PDE8A: variants seen among roughly 807,000 people sequenced by gnomAD.
The protein encoded by PDE8A is phosphodiesterase 8A.
PDE8A carries 59 observed loss-of-function variants against 105.0 expected under a neutral mutation model. The observed-to-expected ratio is 0.56, with a 90% CI of 0.46 to 0.70. The LOEUF (loss-of-function observed/expected upper bound fraction) is 0.70, where lower values mean the gene tolerates loss of function less well. PDE8A is among the 30% of genes least tolerant of loss of function. The pLI, the probability that PDE8A is intolerant of heterozygous loss-of-function variation, is 0.00. For synonymous variants in PDE8A, 355 were observed against 371.9 expected, an observed-to-expected ratio of 0.95 and a Z score of 0.52; for missense variants, 1,014 against 1,045.9, an observed-to-expected ratio of 0.97 and a Z score of 0.42.
chr15:85,015,354 G>A (rs1397254036), intron 1 of PDE8A, among the ~76,000 whole-genome samples: 2 of 151,934 alleles, frequency 1.3e-5, no homozygotes, highest in African/African-American at 2.4e-5. Context: ...AGCCTCCTGA[G>A]TAGCTGGGAC....
chr15:85,081,405 G>A (rs2081464372), intron 5 of PDE8A, among the ~76,000 whole-genome samples: 1 of 152,136 alleles, frequency 6.6e-6, no homozygotes, highest in Admixed American at 6.5e-5. Flanking sequence ...TTTTCAAATT[G>A]CAGATAATTC....
intron 8 of PDE8A, among the ~76,000 whole-genome samples, chr15:85,091,901 C>CTTTTTTTTTTTTTTTTTTTTTTTTT (rs563631633): frequency 1.1e-5 from 1 of 88,390 alleles, no homozygotes; most frequent in Non-Finnish European, 2.1e-5. Context: ...TTCTGCTGGA[C>CTTTTTTTTTTTTTTTTTTTTTTTTT]TTTTTTTTTT....
Position 85,117,540 on chromosome 15 carries a change from C to T in PDE8A, c.1536-101C>T, listed in dbSNP as rs574543018. 1.0e-5 allele frequency: 10 copies of T among 966,950 alleles called. No homozygotes were observed. In the South Asian group the frequency reaches 1.2e-4, roughly 12 times the overall value. The allele number at this position is 966,950 out of a possible 1,614,324, so 59.9% of individuals were successfully genotyped here. ...GCCCAAGCAATCTCCACTTTGCTGC[C>T]CTGCACTCTCTGAAATTTGGCTTGG... is the stretch of plus-strand genomic sequence containing the variant. On this transcript the variant is annotated intron_variant, in intron 16 of 21. Coordinates refer to ENST00000394553, the MANE Select transcript of PDE8A (RefSeq NM_002605.3).
intron 1 of PDE8A, among the ~76,000 whole-genome samples, chr15:85,053,811 C>A (rs2081014779): frequency 6.6e-6 from 1 of 152,206 alleles, no homozygotes; most frequent in Non-Finnish European, 1.5e-5. Context: ...CCCTCTATTT[C>A]TTTCTCTTGC....
intron 1 of PDE8A, among the ~76,000 whole-genome samples, chr15:84,985,924 T>C (rs2079794746): frequency 6.6e-6 from 1 of 152,154 alleles, no homozygotes. Flanking sequence ...TAGATTTCCC[T>C]GTAAAGAAAG....
At chr15:85,065,851 G>A (rs1037313892) in intron 2 of PDE8A, among the ~76,000 whole-genome samples, 7 of 152,224 alleles carry the variant, frequency 4.6e-5, no homozygotes, top group African/African-American at 1.7e-4. Flanking sequence ...AAGACGCTAT[G>A]GATACAGGCC....
At chr15:85,102,403 C>T (rs80185445) in intron 11 of PDE8A, among the ~76,000 whole-genome samples, 4 of 152,056 alleles carry the variant, frequency 2.6e-5, no homozygotes, top group African/African-American at 4.8e-5. Flanking sequence ...AGGAGAATGG[C>T]GAGGGCAGAA....
rs774180777 is a variant in PDE8A, at chr15:85,117,622, G to C, written c.1536-19G>C. The C allele has an allele frequency of 2.5e-6, 4 of 1,605,132 alleles. No homozygotes were observed. The highest frequency in any genetic ancestry group is 2.2e-5 in the East Asian group (1 of 44,836). On this transcript the variant is annotated intron_variant, in intron 16 of 21. Transcript: ENST00000394553. ...TTGTTTGCTTTGTTCTAATATTGTG[G>C]GGTTTTTTCTGTCTATAGGCCTTTG...
rs1362226248 is a variant in PDE8A at position 85,115,448 on chromosome 15, C to T, written c.1360C>T (p.Arg454Ter). Residue 454 changes from arginine (R) to a stop codon, truncating the protein, a stop_gained, in exon 15 of 22, where the codon CGA becomes TGA. Transcript: ENST00000394553. LOFTEE classifies it high-confidence loss of function. ...LVGGLMSDGLRRLSGNEYVLS... is the reference protein window; with the variant it reads ...LVGGLMSDGL ...CCTTGATTTTTATCAGGATGGTTTG[C>T]GAAGACTATCAGGGAATGAATATGT... The T allele has an allele frequency of 2.0e-6, 3 of 1,537,350 alleles. No homozygotes were observed. The highest frequency in any genetic ancestry group is 1.4e-5 in the African/African-American group (1 of 70,642).
intron 1 of PDE8A, among the ~76,000 whole-genome samples, chr15:85,006,092 G>T (rs953808338): frequency 6.6e-6 from 1 of 152,082 alleles, no homozygotes; most frequent in Non-Finnish European, 1.5e-5. Flanking sequence ...CTCTCAGGAA[G>T]GGGAACATCA....
intron 3 of PDE8A, 56 bp downstream of exon 3, chr15:85,067,260 A>T: frequency 3.2e-6 from 4 of 1,267,538 alleles, no homozygotes; most frequent in East Asian, 2.4e-5. Context: ...CAATACATGC[A>T]GCCTAGAAAT....
intron 3 of PDE8A, among the ~76,000 whole-genome samples, chr15:85,074,284 T>A (rs2081352315): frequency 6.6e-6 from 1 of 152,202 alleles, no homozygotes; most frequent in South Asian, 2.1e-4. Flanking sequence ...CATTTGTGTA[T>A]TATGTGTGAC....
intron 7 of PDE8A, among the ~76,000 whole-genome samples, chr15:85,089,774 A>G (rs2081611904): frequency 6.6e-6 from 1 of 152,212 alleles, no homozygotes; most frequent in South Asian, 2.1e-4. Flanking sequence ...TAGGTCTGCA[A>G]GTACAAGTCT....
rs546194907 is a variant in PDE8A at position 85,119,468 on chromosome 15, C to CAAAAAAAA, written c.1735-1323_1735-1316dup. Among the ~76,000 whole-genome samples, 82 of 58,554 alleles carry CAAAAAAAA rather than the reference C, an allele frequency of 1.4e-3. 9 individuals are homozygous for CAAAAAAAA. Among genetic ancestry groups the CAAAAAAAA allele is most frequent in the East Asian group, 6.1e-3 (5 of 816 alleles). The allele number at this position is 58,554 out of a possible 152,430, so 38.4% of individuals were successfully genotyped here. ...GGGTGACAGAGCAAGACTCTCGTCT[C>CAAAAAAAA]AAAAAAAAAAAAACATTTATTGAAA... On this transcript the variant is annotated intron_variant, in intron 17 of 21. Transcript: ENST00000394553.
chr15:85,038,657 C>T (rs948991952), intron 1 of PDE8A, among the ~76,000 whole-genome samples: 8 of 151,978 alleles, frequency 5.3e-5, no homozygotes, highest in African/African-American at 1.2e-4. Context: ...CAAGAAAACA[C>T]GTAACTTAAA....
chr15:85,119,630 A>G (rs752768291), intron 17 of PDE8A, among the ~76,000 whole-genome samples: 11 of 152,104 alleles, frequency 7.2e-5, no homozygotes, highest in Non-Finnish European at 1.3e-4. Context: ...TCCAAAAATG[A>G]TCTTATACTG....
chr15:85,031,945 C>T (rs954148451), intron 1 of PDE8A, among the ~76,000 whole-genome samples: 2 of 152,128 alleles, frequency 1.3e-5, no homozygotes, highest in African/African-American at 2.4e-5. Flanking sequence ...AATATTTTTG[C>T]GAATAACATT....
intron 8 of PDE8A, among the ~76,000 whole-genome samples, chr15:85,095,076 A>G (rs2081720416): frequency 6.6e-6 from 1 of 152,082 alleles, no homozygotes; most frequent in African/African-American, 2.4e-5. Flanking sequence ...TTAATTCTCA[A>G]GACAGCGGGT....
chr15:85,098,765 G>A (rs532112424), intron 9 of PDE8A, among the ~76,000 whole-genome samples: 18 of 152,152 alleles, frequency 1.2e-4, no homozygotes, highest in Admixed American at 9.2e-4. Context: ...TTTGGGATCC[G>A]CCTGAGCAAT....
Sources: gnomAD v4.1 joint callset for allele counts (sites outside exome capture counted in the v4.1 genomes callset) on GRCh38, gnomAD v4.1.1 for gene constraint, MANE v1.5 for transcripts, NCBI Gene and HGNC (gene_info 2026-07-23, HGNC 2026-07-21) for gene names.